Variants in ZNF587 observed in about 807,000 individuals in gnomAD.
ZNF587 encodes the protein zinc finger protein 587.
A neutral mutation model predicts 7.5 loss-of-function variants in ZNF587; 8 were observed. That is an observed-to-expected ratio of 1.06 (90% CI 0.62 to 1.92). ZNF587 has a LOEUF of 1.92. Ranked by LOEUF, ZNF587 falls within the 40% of genes most tolerant of loss-of-function variation. The pLI, the probability that ZNF587 is intolerant of heterozygous loss-of-function variation, is 0.00. For synonymous variants in ZNF587, 145 were observed against 237.8 expected (o/e 0.61, Z 3.59); for missense variants, 468 against 692.8 (o/e 0.68, Z 3.64).
At position 57,861,773 on chromosome 19, in the gene ZNF587, C is replaced by CT. The variant is rs59253366; in HGVS notation, c.*1649dup. ...TTTGCTGCAAGGAATATTTGGTTTT[C>CT]TTTTTTTTTTTTTTTTCCAGATGGA... On this transcript the variant is annotated 3_prime_UTR_variant, in exon 3 of 3. Coordinates refer to ENST00000339656, the MANE Select transcript of ZNF587 (RefSeq NM_032828.4). 0.014 allele frequency: 1,672 copies of CT among 119,254 alleles called. 52 individuals carry two copies. The highest frequency in any genetic ancestry group is 0.024 in the Middle Eastern group (5 of 212). The allele number at this position is 119,254 out of a possible 1,614,324, so 7.4% of individuals were successfully genotyped here.
In ZNF587 at chr19:57,858,219, T is replaced by G. The variant is rs1015464440; in HGVS notation, c.164-357T>G. 1.5e-5 allele frequency: 4 copies of G among 274,174 alleles called. No homozygotes were observed. In the South Asian group the frequency reaches 1.6e-4, roughly 11 times the overall value. The allele number at this position is 274,174 out of a possible 1,614,324, so 17.0% of individuals were successfully genotyped here. ...CTGCTCACTACAAACCTCTGCCTTC[T>G]GGGTTCAAATGATTCTCCTGCTTTA... On this transcript the variant is annotated intron_variant, in intron 2 of 2. Transcript: ENST00000339656.
Position 57,860,491 on chromosome 19 carries a change from A to C in ZNF587, c.*351A>C. 1 of 309,850 alleles carries C rather than the reference A, an allele frequency of 3.2e-6. No individual in the cohort carries two copies. The highest frequency in any genetic ancestry group is 6.1e-6 in the Non-Finnish European group (1 of 163,348). 19.2% of individuals were successfully genotyped at this position (309,850 alleles called of 1,614,324 possible). A position where few individuals can be genotyped will look rare whatever the true frequency, so the allele number is the denominator to read the frequency against. On this transcript the variant is annotated 3_prime_UTR_variant, in exon 3 of 3. Transcript: ENST00000339656. ...ACCATGTTGGCCAGGCTGGTCTCAA[A>C]CTCCTGACCTCAAGTGATCCACCCA...
rs1238856970 is a variant in ZNF587, at chr19:57,859,351, C to G, written c.939C>G (p.Ser313Arg). ...TTAGTCAGAAGGGCAGCCTTATTAG[C>G]CATCAGCTTGTTCACACTGGAGAAG... is the stretch of plus-strand genomic sequence containing the variant. ...KSFSQKGSLI[S>R]HQLVHTGEGP... Residue 313 changes from serine (S) to arginine (R), a missense_variant, in exon 3 of 3, where the codon AGC becomes AGG. Transcript: ENST00000339656. 1 of 1,609,964 alleles carries G rather than the reference C, an allele frequency of 6.2e-7. No homozygotes were observed. The highest frequency in any genetic ancestry group is 2.2e-5 in the East Asian group (1 of 44,698).
intron 1 of ZNF587, among the ~76,000 whole-genome samples, chr19:57,853,305 G>T (rs954942567): frequency 4.6e-5 from 7 of 152,284 alleles, no homozygotes; most frequent in Admixed American, 1.3e-4. Flanking sequence ...ATATCCAGAG[G>T]GTTGTTTTGG....
intron 1 of ZNF587, among the ~76,000 whole-genome samples, chr19:57,855,461 T>A (rs1470793899): frequency 6.6e-6 from 1 of 152,032 alleles, no homozygotes; most frequent in African/African-American, 2.4e-5. Flanking sequence ...TAAAGAATGA[T>A]ATATATTTAA....
At chr19:57,856,073 C>T (rs541602519) in intron 1 of ZNF587, 31 bp from the exon 2 acceptor site, 1 of 1,611,814 alleles carries the variant, frequency 6.2e-7, no homozygotes, top group Non-Finnish European at 8.5e-7. Context: ...AGCAGAGGGG[C>T]TGCTTGTGGT....
chr19:57,849,952 G>C lies in ZNF587; in HGVS notation c.-87G>C, dbSNP rs541719372. 389 of 1,612,362 alleles carry C rather than the reference G, an allele frequency of 2.4e-4. No homozygotes were observed. The African/African-American group carries it at 4.5e-3, about 19-fold the overall frequency. On this transcript the variant is annotated 5_prime_UTR_variant, in exon 1 of 3. Transcript: ENST00000339656. ...GCGGTGACTGAACCTAGAAGGTGGA[G>C]AGGAATCGTCCTCGGTGCCCAGAGG...
At chr19:57,850,112 T>C in intron 1 of ZNF587, 41 bp downstream of exon 1, 1 of 1,614,200 alleles carries the variant, frequency 6.2e-7, no homozygotes, top group Non-Finnish European at 8.5e-7. Context: ...CACCCCATCG[T>C]CACCCAGGTC....
At chr19:57,856,271 TG>T (rs1460396577) in intron 2 of ZNF587, 38 bp downstream of exon 2, 1 of 1,539,198 alleles carries the variant, frequency 6.5e-7, no homozygotes, top group Non-Finnish European at 8.7e-7. Flanking sequence ...CCTGAGCTAG[TG>T]TTACTGTTCC....
rs1308340192 is a variant in ZNF587 at position 57,859,385 on chromosome 19, G to A, written c.973G>A (p.Glu325Lys). The A allele has an allele frequency of 1.9e-6, 3 of 1,608,344 alleles. No homozygotes were observed. The highest frequency in any genetic ancestry group is 1.4e-5 in the African/African-American group (1 of 70,096). ...QLVHTGEGPY[E>K]CRECGKSFGQ... is the part of the protein sequence containing the mutation. Reference sequence around the variant, plus strand: ...TGTTCACACTGGAGAAGGGCCTTATGAGTGTAGAGAATGTGGGAAATCTTT... The same window carrying A: ...TGTTCACACTGGAGAAGGGCCTTATAAGTGTAGAGAATGTGGGAAATCTTT... Residue 325 changes from glutamate to lysine, a missense_variant, in exon 3 of 3, where the codon GAG becomes AAG. Around this residue, in one of 5 missense-constraint regions of ZNF587, gnomAD observed 310 missense variants for 325.6 expected, o/e 0.95. Transcript: ENST00000339656.
At chr19:57,856,757 C>T (rs990368450) in intron 2 of ZNF587, among the ~76,000 whole-genome samples, 2 of 152,004 alleles carry the variant, frequency 1.3e-5, no homozygotes, top group African/African-American at 4.8e-5. Flanking sequence ...CTCCAGGCTC[C>T]CAGGGAAGGA....
In ZNF587 at chr19:57,859,797, G is replaced by A. The variant is rs1274491776; in HGVS notation, c.1385G>A (p.Arg462Lys). The change falls in exon 3 of 3, where the codon AGG becomes AAG. Residue 462 changes from arginine (R) to lysine (K), a missense_variant. Transcript: ENST00000339656. ...CATGAGAGAGTTCACACTGGAGAAA[G>A]GCCATATGCGTGTGAGGTATGTGGG... ...LVHERVHTGE[R>K]PYACEVCGKL... is the part of the protein sequence containing the mutation. 5.0e-6 allele frequency: 8 copies of A among 1,614,002 alleles called. No individual in the cohort carries two copies. The East Asian group carries it at 1.8e-4, about 36-fold the overall frequency.
At chr19:57,855,012 TA>T (rs979827616) in intron 1 of ZNF587, among the ~76,000 whole-genome samples, 411 of 141,574 alleles carry the variant, frequency 2.9e-3, no homozygotes, top group Non-Finnish European at 3.0e-3. Context: ...CCGTCTCTAC[TA>T]AAAAAAAAAA....
rs1352191538 is a variant in ZNF587 at position 57,864,841 on chromosome 19, AG to A, written c.*4702del. The A allele has an allele frequency of 6.6e-6, 1 of 152,182 alleles. No homozygotes were observed. The highest frequency in any genetic ancestry group is 1.5e-5 in the Non-Finnish European group (1 of 68,040). The allele number at this position is 152,182 out of a possible 1,614,324, so 9.4% of individuals were successfully genotyped here. Reference sequence around the variant, plus strand: ...AACCTTTGTAATCAGGGGGAATTAAAGAGCCTTCCTGGAAAATGGAGGTTGC... The same window carrying A: ...AACCTTTGTAATCAGGGGGAATTAAAAGCCTTCCTGGAAAATGGAGGTTGC... On this transcript the variant is annotated 3_prime_UTR_variant, in exon 3 of 3. Coordinates refer to ENST00000339656, the MANE Select transcript of ZNF587 (RefSeq NM_032828.4).
In ZNF587 at chr19:57,849,998, G is replaced by C; in HGVS notation, c.-41G>C. 1 of 1,614,078 alleles carries C rather than the reference G, an allele frequency of 6.2e-7. No homozygotes were observed. Among genetic ancestry groups the C allele is most frequent in the Non-Finnish European group, 8.5e-7 (1 of 1,180,042 alleles). On this transcript the variant is annotated 5_prime_UTR_variant, in exon 1 of 3. Transcript: ENST00000339656. ...AGAGGCGGCTCTGCAGCCCCGTGAC[G>C]GCGACCACTGCTCCCGGGCCGTGCT...
At chr19:57,850,386 A>C (rs2071266628) in intron 1 of ZNF587, 1 of 575,236 alleles carries the variant, frequency 1.7e-6, no homozygotes, top group Non-Finnish European at 3.0e-6. Flanking sequence ...GAGTTTTCAA[A>C]ATTTGGCGGG....
In ZNF587 at chr19:57,859,421, G is replaced by A; in HGVS notation, c.1009G>A (p.Gly337Ser). Reference sequence around the variant, plus strand: ...ATGTGGGAAATCTTTTGGTCAAAAGGGTAACCTCATTCAACATCAGCAAGG... The same window carrying A: ...ATGTGGGAAATCTTTTGGTCAAAAGAGTAACCTCATTCAACATCAGCAAGG... ...RECGKSFGQKGNLIQHQQGHT... is the reference protein window; with the variant it reads ...RECGKSFGQKSNLIQHQQGHT... Residue 337 changes from glycine (G) to serine (S), a missense_variant, in exon 3 of 3, where the codon GGT becomes AGT. Gly to Ser is a moderately conservative substitution (Grantham distance 56, BLOSUM62 0). Around this residue, in one of 5 missense-constraint regions of ZNF587, gnomAD observed 310 missense variants for 325.6 expected, o/e 0.95. Coordinates refer to ENST00000339656, the MANE Select transcript of ZNF587 (RefSeq NM_032828.4). 1 of 1,610,174 alleles carries A rather than the reference G, an allele frequency of 6.2e-7. No homozygotes were observed. The highest frequency in any genetic ancestry group is 2.2e-5 in the East Asian group (1 of 44,804).
At chr19:57,854,207 G>A (rs1451611708) in intron 1 of ZNF587, 1 of 152,158 alleles carries the variant, frequency 6.6e-6, no homozygotes, top group African/African-American at 2.4e-5. Context: ...CAGGGGCTGG[G>A]CTTTAAACGG....
In ZNF587 at chr19:57,865,071, C is replaced by G. The variant is rs1355268204; in HGVS notation, c.*4931C>G. On this transcript the variant is annotated 3_prime_UTR_variant, in exon 3 of 3. Coordinates refer to ENST00000339656, the MANE Select transcript of ZNF587 (RefSeq NM_032828.4). ...TAATTCTCTTATGAAGTTAATCTTC[C>G]TGCTTGTATGTGAATTAAATATATG... 1 of 152,160 alleles carries G rather than the reference C, an allele frequency of 6.6e-6. No homozygotes were observed. Among genetic ancestry groups the G allele is most frequent in the Admixed American group, 6.5e-5 (1 of 15,268 alleles). The allele number at this position is 152,160 out of a possible 1,614,324, so 9.4% of individuals were successfully genotyped here.
Sources: gnomAD v4.1 joint callset for allele counts (sites outside exome capture counted in the v4.1 genomes callset) on GRCh38, gnomAD v4.1.1 for gene constraint, gnomAD v4.1.1 regional missense constraint, MANE v1.5 for transcripts, NCBI Gene and HGNC (gene_info 2026-07-23, HGNC 2026-07-21) for gene names.